Variants in PPP3CA observed in about 807,000 individuals in gnomAD.
PPP3CA encodes protein phosphatase 3 catalytic subunit alpha.
Under a neutral mutation model 66.5 loss-of-function variants are expected in PPP3CA, and 14 were observed. That is an observed-to-expected ratio of 0.21 (90% CI 0.14 to 0.33). The LOEUF (loss-of-function observed/expected upper bound fraction) is 0.33, where lower values mean the gene tolerates loss of function less well. PPP3CA is among the 10% of genes least tolerant of loss of function. The pLI is 1.00. For missense variants in PPP3CA, 317 were observed against 639.5 expected (o/e 0.50, Z 5.44); for synonymous variants, 232 against 226.2 (o/e 1.03, Z -0.23).
rs924778322 is a variant in PPP3CA, at chr4:101,126,820, T to C, written c.260-17742A>G. 8.5e-5 allele frequency among the ~76,000 whole-genome samples: 13 copies of C among 152,312 alleles called. 1 individual carries two copies. The South Asian group carries it at 2.3e-3, about 27-fold the overall frequency. On this transcript the variant is annotated intron_variant, in intron 2 of 13. Transcript: ENST00000394854. ...CTTACATAAGTAAAATCTACCTGTG[T>C]TGGAAAATGGCCAGGCAACTACAAT...
chr4:101,115,130 C>T (rs139247760), intron 2 of PPP3CA, among the ~76,000 whole-genome samples: 1 of 152,018 alleles, frequency 6.6e-6, no homozygotes, highest in East Asian at 1.9e-4. Context: ...AAATAAGAAC[C>T]AAGGGCAGTG....
chr4:101,302,363 G>C (rs1187992368), intron 1 of PPP3CA, among the ~76,000 whole-genome samples: 1 of 152,216 alleles, frequency 6.6e-6, no homozygotes, highest in Admixed American at 6.5e-5. Flanking sequence ...AAACTGCGAT[G>C]ATATATTATT....
chr4:101,302,037 T>C (rs1204164402), intron 1 of PPP3CA, among the ~76,000 whole-genome samples: 2 of 152,124 alleles, frequency 1.3e-5, no homozygotes, highest in South Asian at 2.1e-4. Context: ...CTAAAGGGTA[T>C]ACTTTTTTAG....
At chr4:101,100,136 T>C (rs1328860436) in intron 3 of PPP3CA, among the ~76,000 whole-genome samples, 2 of 152,064 alleles carry the variant, frequency 1.3e-5, no homozygotes, top group South Asian at 2.1e-4. Context: ...TCCCTGAACT[T>C]CAATTTAATT....
intron 1 of PPP3CA, among the ~76,000 whole-genome samples, chr4:101,302,010 G>T (rs73835923): frequency 0.11 from 15,969 of 151,844 alleles, 2,855 homozygotes; most frequent in African/African-American, 0.37. Flanking sequence ...AAAAATGAAT[G>T]CAAAGCTACA....
chr4:101,174,489 CTTGAA>C (rs1723991489), intron 2 of PPP3CA, among the ~76,000 whole-genome samples: 1 of 152,114 alleles, frequency 6.6e-6, no homozygotes, highest in Admixed American at 6.6e-5. Context: ...AAAACATCTT[CTTGAA>C]TTAAGTACAA....
intron 1 of PPP3CA, among the ~76,000 whole-genome samples, chr4:101,248,708 A>T (rs1251742348): frequency 1.3e-5 from 2 of 152,146 alleles, no homozygotes; most frequent in Non-Finnish European, 2.9e-5. Context: ...AGGTACTAAG[A>T]CTCTGGATGC....
intron 1 of PPP3CA, among the ~76,000 whole-genome samples, chr4:101,224,358 T>C (rs1427533297): frequency 6.6e-6 from 1 of 151,838 alleles, no homozygotes; most frequent in Non-Finnish European, 1.5e-5. Flanking sequence ...CCCCTACTCC[T>C]CCTTTCCAAT....
At chr4:101,245,433 A>G (rs1240868103) in intron 1 of PPP3CA, among the ~76,000 whole-genome samples, 1 of 152,140 alleles carries the variant, frequency 6.6e-6, no homozygotes, top group Non-Finnish European at 1.5e-5. Context: ...CGCTTTTACC[A>G]TTACTTTGCA....
At chr4:101,227,616 T>C (rs1248211872) in intron 1 of PPP3CA, among the ~76,000 whole-genome samples, 2 of 151,624 alleles carry the variant, frequency 1.3e-5, no homozygotes, top group Non-Finnish European at 3.0e-5. Context: ...AGGTTTGTTA[T>C]ACAGATAAAT....
intron 12 of PPP3CA, among the ~76,000 whole-genome samples, chr4:101,029,909 T>C (rs973546357): frequency 1.3e-5 from 2 of 151,844 alleles, no homozygotes; most frequent in African/African-American, 2.4e-5. Flanking sequence ...TATGTTTTCT[T>C]TTCCTTAGTG....
At chr4:101,226,414 G>A (rs375610926) in intron 1 of PPP3CA, among the ~76,000 whole-genome samples, 3 of 151,694 alleles carry the variant, frequency 2.0e-5, no homozygotes, top group African/African-American at 7.3e-5. Context: ...TGTGCAATAC[G>A]TAGTGCATAT....
chr4:101,202,753 C>T (rs188705464), intron 1 of PPP3CA, among the ~76,000 whole-genome samples: 30 of 152,230 alleles, frequency 2.0e-4, no homozygotes, highest in East Asian at 1.7e-3. Flanking sequence ...TATCCAGTTA[C>T]AATTAAAATT....
At position 101,136,540 on chromosome 4, in the gene PPP3CA, C is replaced by CA. The variant is rs11299265; in HGVS notation, c.260-27463dup. ...TGGGTGACAGAACGAGACTCCGCCTCAAAAAAAAAAAAGTGTTCATGAAGC... is the reference window on the plus strand; with the variant it reads ...TGGGTGACAGAACGAGACTCCGCCTCAAAAAAAAAAAAAGTGTTCATGAAGC... On this transcript the variant is annotated intron_variant, in intron 2 of 13. Coordinates refer to ENST00000394854, the MANE Select transcript of PPP3CA (RefSeq NM_000944.5). Among the ~76,000 whole-genome samples, 766 of 137,960 alleles carry CA rather than the reference C, an allele frequency of 5.6e-3. 4 individuals are homozygous for CA. Among genetic ancestry groups the CA allele is most frequent in the African/African-American group, 0.018 (677 of 38,564 alleles). 90.5% of individuals were successfully genotyped at this position (137,960 alleles called of 152,430 possible).
intron 1 of PPP3CA, among the ~76,000 whole-genome samples, chr4:101,333,598 G>T (rs543457994): frequency 6.6e-6 from 1 of 152,200 alleles, no homozygotes; most frequent in African/African-American, 2.4e-5. Flanking sequence ...ATGGCATTCA[G>T]TGTTTTGGAA....
chr4:101,063,521 C>G (rs1728559139), intron 8 of PPP3CA, among the ~76,000 whole-genome samples, 164 bp from the exon 9 acceptor site: 1 of 151,878 alleles, frequency 6.6e-6, no homozygotes, highest in Non-Finnish European at 1.5e-5. Context: ...GGACTTAAAC[C>G]TTACTCAGGG....
chr4:101,090,438 A>G (rs1235536763), intron 6 of PPP3CA, among the ~76,000 whole-genome samples: 2 of 152,036 alleles, frequency 1.3e-5, no homozygotes, highest in African/African-American at 4.8e-5. Flanking sequence ...CAGGAGTTTG[A>G]GACCAGCCTG....
At chr4:101,269,982 T>G (rs964307359) in intron 1 of PPP3CA, among the ~76,000 whole-genome samples, 2 of 152,130 alleles carry the variant, frequency 1.3e-5, no homozygotes, top group Admixed American at 6.6e-5. Flanking sequence ...TTTCATTAAA[T>G]GTTAGAAGGA....
At chr4:101,235,803 C>G (rs978500588) in intron 1 of PPP3CA, among the ~76,000 whole-genome samples, 10 of 151,738 alleles carry the variant, frequency 6.6e-5, no homozygotes, top group Non-Finnish European at 1.5e-4. Flanking sequence ...AATTTTCAAC[C>G]AAAATGAATA....
Sources: gnomAD v4.1 joint callset for allele counts (sites outside exome capture counted in the v4.1 genomes callset) on GRCh38, gnomAD v4.1.1 for gene constraint, MANE v1.5 for transcripts, NCBI Gene and HGNC (gene_info 2026-07-23, HGNC 2026-07-21) for gene names.